MMP26: variants seen among roughly 807,000 people sequenced by gnomAD.
The protein encoded by MMP26 is matrix metalloproteinase-26.
MMP26 carries 33 observed loss-of-function variants against 31.0 expected under a neutral mutation model. That is an observed-to-expected ratio of 1.06 (90% CI 0.81 to 1.42). The LOEUF (loss-of-function observed/expected upper bound fraction) is 1.42. MMP26 is among the 40% of genes most tolerant of loss of function. The probability of loss-of-function intolerance (pLI) is 0.00; values close to 1 mark genes in which losing one functional copy is unlikely to be tolerated. For synonymous variants in MMP26, 122 were observed against 114.9 expected (o/e 1.06, Z -0.40); for missense variants, 347 against 316.1 (o/e 1.10, Z -0.74).
chr11:4,987,968 G>T (rs1451149580), intron 2 of MMP26, 100 bp from the exon 3 acceptor site: 4 of 536,878 alleles, frequency 7.5e-6, no homozygotes, highest in Non-Finnish European at 1.3e-5. Flanking sequence ...CAGGCCTGTG[G>T]CCCGGGATGC....
chr11:4,774,333 A>G (rs1451139353), intron 2 of MMP26, among the ~76,000 whole-genome samples: 2 of 152,028 alleles, frequency 1.3e-5, no homozygotes, highest in Non-Finnish European at 2.9e-5. Flanking sequence ...CTGGTGTGAG[A>G]TGGTATCTCC....
intron 2 of MMP26, among the ~76,000 whole-genome samples, chr11:4,934,188 C>A (rs917595919): frequency 4.8e-5 from 7 of 145,632 alleles, no homozygotes; most frequent in African/African-American, 1.5e-4. Context: ...ACAGTCCCAC[C>A]AACAGTGTAA....
At chr11:4,714,633 A>T (rs1847902025) in intron 1 of MMP26, among the ~76,000 whole-genome samples, 1 of 152,186 alleles carries the variant, frequency 6.6e-6, no homozygotes, top group Non-Finnish European at 1.5e-5. Context: ...TAAAGTGCTT[A>T]TTTGGAGAAC....
At chr11:4,803,716 A>C in intron 2 of MMP26, 1 of 1,613,902 alleles carries the variant, frequency 6.2e-7, no homozygotes, top group Non-Finnish European at 8.5e-7. Flanking sequence ...CAAAATCATC[A>C]CGTATGACAT....
At chr11:4,958,734 C>T (rs184570878) in intron 2 of MMP26, among the ~76,000 whole-genome samples, 5 of 152,228 alleles carry the variant, frequency 3.3e-5, no homozygotes, top group East Asian at 1.9e-4. Context: ...CCTGTAGTTA[C>T]GCCTCTTGAG....
At chr11:4,936,627 G>A (rs1055456694) in intron 2 of MMP26, among the ~76,000 whole-genome samples, 2 of 151,920 alleles carry the variant, frequency 1.3e-5, no homozygotes, top group African/African-American at 4.8e-5. Context: ...CTAGAGAGTG[G>A]GTATAATTAG....
chr11:4,980,295 T>G (rs1025836170), intron 2 of MMP26, among the ~76,000 whole-genome samples: 2 of 152,050 alleles, frequency 1.3e-5, no homozygotes, highest in African/African-American at 4.8e-5. Flanking sequence ...TGTAGTTTAT[T>G]TATGGAAAAA....
chr11:4,763,581 TAGAAA>T (rs1430238981), intron 1 of MMP26, among the ~76,000 whole-genome samples: 3 of 152,238 alleles, frequency 2.0e-5, no homozygotes, highest in Non-Finnish European at 4.4e-5. Flanking sequence ...ATGACATGGC[TAGAAA>T]TACTTCATGA....
intron 1 of MMP26, among the ~76,000 whole-genome samples, chr11:4,733,045 G>T (rs577053727): frequency 6.6e-6 from 1 of 152,192 alleles, no homozygotes; most frequent in South Asian, 2.1e-4. Context: ...GTACTGTCTG[G>T]ATAACAGCAG....
Position 4,940,351 on chromosome 11 carries a change from A to C in MMP26, c.-144-47717A>C, listed in dbSNP as rs146205551. ...AAAGTGTACACTCTGTCTCTCCTTG[A>C]AAATTCTACAATACGCTTAATCTCC... On this transcript the variant is annotated intron_variant, in intron 2 of 7. Transcript: ENST00000380390. 3.7e-4 allele frequency among the ~76,000 whole-genome samples: 56 copies of C among 152,292 alleles called. 1 individual carries two copies. In the East Asian group the frequency reaches 0.011, roughly 29 times the overall value.
At chr11:4,869,291 T>G (rs1324005746) in intron 2 of MMP26, among the ~76,000 whole-genome samples, 1 of 152,098 alleles carries the variant, frequency 6.6e-6, no homozygotes, top group Admixed American at 6.5e-5. Flanking sequence ...ACCTACAGAA[T>G]GGGAGAAAAT....
At chr11:4,815,321 A>G in intron 2 of MMP26, among the ~76,000 whole-genome samples, 1 of 152,140 alleles carries the variant, frequency 6.6e-6, no homozygotes, top group African/African-American at 2.4e-5. Flanking sequence ...ATCAATTTTC[A>G]TTGCCAGGGT....
At chr11:4,852,768 C>T (rs183424567) in intron 2 of MMP26, among the ~76,000 whole-genome samples, 8 of 152,228 alleles carry the variant, frequency 5.3e-5, no homozygotes, top group Admixed American at 1.3e-4. Flanking sequence ...TCTTCACTCC[C>T]GTGTCCATTG....
intron 2 of MMP26, among the ~76,000 whole-genome samples, chr11:4,813,258 A>C (rs1849374806): frequency 6.6e-6 from 1 of 152,174 alleles, no homozygotes; most frequent in African/African-American, 2.4e-5. Context: ...TTATCTAGAC[A>C]CTTACCCTAA....
chr11:4,836,942 C>T (rs1253831881), intron 2 of MMP26, among the ~76,000 whole-genome samples: 3 of 151,654 alleles, frequency 2.0e-5, no homozygotes, highest in South Asian at 2.1e-4. Context: ...TGAGCCACCG[C>T]GCCTGGCCAA....
chr11:4,806,941 C>G (rs1055672296), intron 2 of MMP26, among the ~76,000 whole-genome samples: 1 of 152,070 alleles, frequency 6.6e-6, no homozygotes, highest in Non-Finnish European at 1.5e-5. Flanking sequence ...CTCAAATTGT[C>G]GTGGGGACAG....
chr11:4,907,568 G>C, intron 2 of MMP26: 1 of 1,613,970 alleles, frequency 6.2e-7, no homozygotes, highest in African/African-American at 1.3e-5. Flanking sequence ...TGCCATGTTG[G>C]CTGTCTCTGA....
chr11:4,907,217 G>T, intron 2 of MMP26: 1 of 545,382 alleles, frequency 1.8e-6, no homozygotes, highest in South Asian at 2.7e-5. Flanking sequence ...GGTAAATTTT[G>T]AAGAGTGCAG....
chr11:4,813,015 G>GTATATATA (rs36076505), intron 2 of MMP26, among the ~76,000 whole-genome samples: 83 of 147,712 alleles, frequency 5.6e-4, no homozygotes, highest in African/African-American at 2.0e-3. Context: ...GTGTGTGTAT[G>GTATATATA]TATATATATA....
Sources: gnomAD v4.1 joint callset for allele counts (sites outside exome capture counted in the v4.1 genomes callset) on GRCh38, gnomAD v4.1.1 for gene constraint, MANE v1.5 for transcripts, NCBI Gene and HGNC (gene_info 2026-07-23, HGNC 2026-07-21) for gene names.